Variants in ATAD5 observed in about 807,000 individuals in gnomAD.
The protein encoded by ATAD5 is ATPase family AAA domain-containing protein 5.
In ATAD5, 58 loss-of-function variants were observed where a neutral mutation model predicts 176.9. That is an observed-to-expected ratio of 0.33 (90% CI 0.27 to 0.41). ATAD5 has a LOEUF of 0.41. Ranked by LOEUF, ATAD5 falls within the 10% of genes least tolerant of loss-of-function variation. The pLI is 1.00. For synonymous variants in ATAD5, 640 were observed against 712.6 expected, an observed-to-expected ratio of 0.90 and a Z score of 1.62; for missense variants, 1,789 against 2,094.1, an observed-to-expected ratio of 0.85 and a Z score of 2.84.
At chr17:30,882,679 C>T (rs1266921447) in intron 18 of ATAD5, among the ~76,000 whole-genome samples, 3 of 152,204 alleles carry the variant, frequency 2.0e-5, no homozygotes, top group Admixed American at 1.3e-4. Context: ...TATTTCATTT[C>T]ACCTTCACTG....
intron 18 of ATAD5, among the ~76,000 whole-genome samples, chr17:30,884,969 G>C (rs1043111157): frequency 6.6e-6 from 1 of 151,498 alleles, no homozygotes; most frequent in African/African-American, 2.4e-5. Context: ...GGATGGTCTG[G>C]ATCTCCTGAC....
chr17:30,854,917 C>G (rs1351033821), intron 6 of ATAD5, among the ~76,000 whole-genome samples: 1 of 151,952 alleles, frequency 6.6e-6, no homozygotes, highest in African/African-American at 2.4e-5. Flanking sequence ...TGCCACCACA[C>G]CTGGCTAATT....
chr17:30,888,133 C>CA (rs1320417345), intron 19 of ATAD5, among the ~76,000 whole-genome samples: 1 of 150,618 alleles, frequency 6.6e-6, no homozygotes, highest in Admixed American at 6.6e-5. Context: ...GTACTTGGCC[C>CA]AAAAAAAAAT....
chr17:30,848,328 C>T (rs755624437), intron 6 of ATAD5, among the ~76,000 whole-genome samples: 64 of 152,098 alleles, frequency 4.2e-4, no homozygotes, highest in African/African-American at 1.4e-3. Context: ...TTACTGTAGC[C>T]GTGACCTCCA....
intron 14 of ATAD5, among the ~76,000 whole-genome samples, chr17:30,871,101 T>G (rs1359496142): frequency 6.7e-6 from 1 of 149,066 alleles, no homozygotes; most frequent in Non-Finnish European, 1.5e-5. Context: ...TCAGTCTTTT[T>G]CCTCTTTTTG....
rs71142005 is a variant in ATAD5 at position 30,878,718 on chromosome 17, G to GTTTTTTTTTTTTTTTT, written c.4012+637_4012+652dup. Among the ~76,000 whole-genome samples the GTTTTTTTTTTTTTTTT allele has an allele frequency of 7.0e-5, 4 of 56,878 alleles. 1 individual carries two copies. The highest frequency in any genetic ancestry group is 5.2e-4 in the Admixed American group (2 of 3,812). 37.3% of individuals were successfully genotyped at this position (56,878 alleles called of 152,430 possible). On this transcript the variant is annotated intron_variant, in intron 17 of 22. Transcript: ENST00000321990. Reference sequence around the variant, plus strand: ...TCTTATTAATCAGAAGTTAGGTGGTGTTTTTTTTTTTTTTTTTTTTTTTTT... The same window carrying GTTTTTTTTTTTTTTTT: ...TCTTATTAATCAGAAGTTAGGTGGTGTTTTTTTTTTTTTTTTTTTTTTTTTTTTTTTTTTTTTTTTT...
chr17:30,887,407 T>C (rs765586872), intron 19 of ATAD5, 35 bp downstream of exon 19: 5 of 1,543,860 alleles, frequency 3.2e-6, no homozygotes, highest in Non-Finnish European at 4.4e-6. Context: ...ATTTCTATTA[T>C]GGGACCCTAT....
rs959539299 is a variant in ATAD5, at chr17:30,892,616, G to A, written c.4268G>A (p.Ser1423Asn). ...ERPLTLYRGN[S>N]RNVQLVCSEH... ...TTCTTTTATTTTGTAGGTGGAAATAGCAGAAATGTACAACTAGTTTGCTCT... is the reference window on the plus strand; with the variant it reads ...TTCTTTTATTTTGTAGGTGGAAATAACAGAAATGTACAACTAGTTTGCTCT... The change falls in exon 20 of 23, where the codon AGC (serine) becomes AAC (asparagine). Residue 1423 changes from serine (S) to asparagine (N), a missense_variant. By Grantham distance (46) the Ser-to-Asn change is conservative (BLOSUM62 1). Transcript: ENST00000321990. 3 of 1,548,390 alleles carry A rather than the reference G, an allele frequency of 1.9e-6. No individual in the cohort carries two copies. The highest frequency in any genetic ancestry group is 4.6e-5 in the East Asian group (2 of 43,344).
At position 30,834,184 on chromosome 17, in the gene ATAD5, A is replaced by T. The variant is rs9910051; in HGVS notation, c.103A>T (p.Thr35Ser). 0.14 allele frequency: 227,488 copies of T among 1,583,100 alleles called. 23,021 individuals are homozygous for T. Among genetic ancestry groups the T allele is most frequent in the African/African-American group, 0.49 (36,076 of 73,068 alleles). Residue 35 changes from threonine to serine, a missense_variant, in exon 2 of 23, where the codon ACC becomes TCC. Thr to Ser is a moderately conservative substitution (Grantham distance 58). This residue lies in a region of ATAD5 where 696 missense variants were observed against 712.5 expected (regional missense o/e 0.98). Coordinates refer to ENST00000321990, the MANE Select transcript of ATAD5 (RefSeq NM_024857.5). ...GCGAAAGAAAGATGATGACACATCT[A>T]CCTGCAAAACAATTACAAAATATTT... ...KKRKKDDDTS[T>S]CKTITKYLSP...
At chr17:30,886,858 G>T (rs571657589) in intron 18 of ATAD5, among the ~76,000 whole-genome samples, 71 of 151,970 alleles carry the variant, frequency 4.7e-4, no homozygotes, top group Middle Eastern at 3.4e-3. Flanking sequence ...TAATTTTGTT[G>T]TAAGATATTC....
At chr17:30,847,931 A>G (rs1906629185) in intron 6 of ATAD5, among the ~76,000 whole-genome samples, 1 of 151,756 alleles carries the variant, frequency 6.6e-6, no homozygotes, top group Non-Finnish European at 1.5e-5. Flanking sequence ...CATGTTAGCC[A>G]GGATGGTCTC....
chr17:30,839,900 A>T (rs976273883), intron 3 of ATAD5, among the ~76,000 whole-genome samples: 4 of 151,830 alleles, frequency 2.6e-5, no homozygotes, highest in African/African-American at 7.2e-5. Flanking sequence ...CTTCTTTATC[A>T]TATATAAGAA....
At chr17:30,839,080 A>G (rs940153886) in intron 3 of ATAD5, among the ~76,000 whole-genome samples, 3 of 151,182 alleles carry the variant, frequency 2.0e-5, no homozygotes, top group African/African-American at 7.3e-5. Context: ...CCAGCCTTGG[A>G]CTCCCACAGT....
intron 6 of ATAD5, among the ~76,000 whole-genome samples, chr17:30,848,133 A>T (rs765469109): frequency 6.6e-6 from 1 of 152,188 alleles, no homozygotes; most frequent in African/African-American, 2.4e-5. Flanking sequence ...CATGTTTAAC[A>T]TTATAAGAAC....
At chr17:30,845,993 T>C (rs1906474682) in intron 6 of ATAD5, among the ~76,000 whole-genome samples, 1 of 152,222 alleles carries the variant, frequency 6.6e-6, no homozygotes, top group Admixed American at 6.6e-5. Context: ...TATCTTTTTT[T>C]CTGTTCAAGT....
In ATAD5 at chr17:30,886,425, A is replaced by G. The variant is rs1349087671; in HGVS notation, c.4078-767A>G. Among the ~76,000 whole-genome samples, 3 of 150,970 alleles carry G rather than the reference A, an allele frequency of 2.0e-5. No homozygotes were observed. The South Asian group carries it at 6.3e-4, about 31-fold the overall frequency. ...ATTTATTTATTTATTTTCGAGACAG[A>G]GTCTTGCTCCATCGCCGAGGCTGGA... On this transcript the variant is annotated intron_variant, in intron 18 of 22. Transcript: ENST00000321990.
At chr17:30,852,383 C>G (rs909840672) in intron 6 of ATAD5, among the ~76,000 whole-genome samples, 9 of 152,066 alleles carry the variant, frequency 5.9e-5, no homozygotes, top group Non-Finnish European at 1.3e-4. Flanking sequence ...CTGCAGTTAG[C>G]CATTTCTCTG....
chr17:30,880,316 A>T (rs2142427328), intron 18 of ATAD5, among the ~76,000 whole-genome samples: 1 of 150,792 alleles, frequency 6.6e-6, no homozygotes, highest in Non-Finnish European at 1.5e-5. Flanking sequence ...TCTCAAAAAA[A>T]ATAAATACCT....
intron 11 of ATAD5, among the ~76,000 whole-genome samples, chr17:30,866,848 A>G (rs1188655103): frequency 6.6e-6 from 1 of 152,080 alleles, no homozygotes; most frequent in South Asian, 2.1e-4. Flanking sequence ...AAACCAACTT[A>G]AATGATTATG....
Sources: allele counts gnomAD v4.1 joint callset (sites outside exome capture counted in the v4.1 genomes callset), GRCh38; gene constraint gnomAD v4.1.1; regional missense constraint gnomAD v4.1.1; transcripts MANE v1.5; gene names NCBI Gene and HGNC (gene_info 2026-07-23, HGNC 2026-07-21).